The following SLC6A2 variants were observed in gnomAD, a reference collection of about 807,000 sequenced individuals.
SLC6A2 encodes sodium-dependent noradrenaline transporter.
SLC6A2 carries 26 observed loss-of-function variants against 71.7 expected under a neutral mutation model. The observed-to-expected ratio is 0.36, with a 90% CI of 0.27 to 0.50. The LOEUF is 0.50. Ranked by LOEUF, SLC6A2 falls within the 20% of genes least tolerant of loss-of-function variation. The probability of loss-of-function intolerance (pLI) is 0.96; values close to 1 mark genes in which losing one functional copy is unlikely to be tolerated. For missense variants in SLC6A2, 581 were observed against 803.9 expected, an observed-to-expected ratio of 0.72 and a Z score of 3.35; for synonymous variants, 363 against 337.9, an observed-to-expected ratio of 1.07 and a Z score of -0.82.
intron 2 of SLC6A2, among the ~76,000 whole-genome samples, chr16:55,666,034 T>G (rs540661977): frequency 6.6e-6 from 1 of 152,374 alleles, no homozygotes; most frequent in South Asian, 2.1e-4. Flanking sequence ...TGTGCATTTG[T>G]GTGCATGCAT....
intron 9 of SLC6A2, 25 bp from the exon 10 acceptor site, chr16:55,697,872 C>A (rs1402450475): frequency 6.2e-7 from 1 of 1,613,422 alleles, no homozygotes; most frequent in Non-Finnish European, 8.5e-7. Context: ...AATTCCTGCA[C>A]CCCACCCCTC....
chr16:55,680,406 G>A lies in SLC6A2; in HGVS notation c.645-4737G>A, dbSNP rs112258804. Among the ~76,000 whole-genome samples, 1,225 of 152,308 alleles carry A rather than the reference G, an allele frequency of 8.0e-3. 10 individuals are homozygous for A. Among genetic ancestry groups the A allele is most frequent in the Non-Finnish European group, 0.013 (889 of 68,024 alleles). On this transcript the variant is annotated intron_variant, in intron 4 of 14. Transcript: ENST00000568943. ...TCCCACAATAGGCTGTCTGCAAGCT[G>A]AGGAGCAAGGAAGCCAGTCCAAGTC...
Position 55,699,621 on chromosome 16 carries a change from G to A in SLC6A2, c.1557G>A (p.Leu519=). ...MGFRPGLYWR[L]CWKFVSPAFL... ...TCAGGCCGGGTCTATACTGGAGACT[G>A]TGCTGGAAGTTCGTCAGTCCTGCCT... The change falls in exon 12 of 15, where the codon CTG becomes CTA. Residue 519 remains leucine (L), a synonymous_variant. Transcript: ENST00000568943. The A allele has an allele frequency of 6.2e-7, 1 of 1,614,126 alleles. No homozygotes were observed. The highest frequency in any genetic ancestry group is 8.5e-7 in the Non-Finnish European group (1 of 1,179,964).
intron 2 of SLC6A2, 23 bp from the exon 3 acceptor site, chr16:55,669,542 C>T: frequency 6.2e-7 from 1 of 1,613,442 alleles, no homozygotes; most frequent in Non-Finnish European, 8.5e-7. Context: ...TGTCAGGTCA[C>T]ACTCTGCCCC....
At chr16:55,659,244 G>T (rs1455516610) in intron 2 of SLC6A2, among the ~76,000 whole-genome samples, 4 of 152,076 alleles carry the variant, frequency 2.6e-5, no homozygotes, top group African/African-American at 9.7e-5. Flanking sequence ...TCTTCCCATT[G>T]CTCTATGTGT....
chr16:55,698,443 C>T, intron 10 of SLC6A2, 26 bp from the exon 11 acceptor site: 5 of 1,559,872 alleles, frequency 3.2e-6, no homozygotes, highest in Non-Finnish European at 4.4e-6. Flanking sequence ...AAGAGGGCCT[C>T]TTGGCTTCTT....
At chr16:55,696,680 T>G (rs1335527508) in intron 9 of SLC6A2, among the ~76,000 whole-genome samples, 1 of 152,188 alleles carries the variant, frequency 6.6e-6, no homozygotes, top group East Asian at 1.9e-4. Flanking sequence ...CTCATTATAT[T>G]TTATTATCAA....
At position 55,656,617 on chromosome 16, in the gene SLC6A2, C is replaced by A. The variant is rs11568322; in HGVS notation, c.-51-27C>A. 15 of 1,584,402 alleles carry A rather than the reference C, an allele frequency of 9.5e-6. No homozygotes were observed. The South Asian group carries it at 1.7e-4, about 18-fold the overall frequency. On this transcript the variant is annotated intron_variant, in intron 1 of 14. Coordinates refer to ENST00000568943, the MANE Select transcript of SLC6A2 (RefSeq NM_001172501.3). The surrounding 1 kb of genome is among the most constrained non-coding windows in gnomAD (Gnocchi z 4.5). ...CAAGTAGGGAGGAACGGCCGGGTAA[C>A]CACCTCTTTTCCCTTTATCCAAGCA...
In SLC6A2 at chr16:55,702,542, G is replaced by A; in HGVS notation, c.*196G>A. The A allele has an allele frequency of 2.0e-6, 3 of 1,491,222 alleles. No homozygotes were observed. In the South Asian group the frequency reaches 4.1e-5, roughly 20 times the overall value. The allele number at this position is 1,491,222 out of a possible 1,614,324, so 92.4% of individuals were successfully genotyped here. ...CTTCTGTGCATCTGGCCTGGGGGCTGTTAGCTCAGAGGAGAGGAGCAAACA... is the reference window on the plus strand; with the variant it reads ...CTTCTGTGCATCTGGCCTGGGGGCTATTAGCTCAGAGGAGAGGAGCAAACA... On this transcript the variant is annotated 3_prime_UTR_variant, in exon 15 of 15. Coordinates refer to ENST00000568943, the MANE Select transcript of SLC6A2 (RefSeq NM_001172501.3).
At chr16:55,681,436 G>A (rs531872573) in intron 4 of SLC6A2, among the ~76,000 whole-genome samples, 10 of 152,356 alleles carry the variant, frequency 6.6e-5, no homozygotes, top group South Asian at 6.2e-4. Flanking sequence ...AAGGATTCGG[G>A]TCACACAGGA....
chr16:55,699,812 C>T (rs552994472), intron 12 of SLC6A2, among the ~76,000 whole-genome samples, 158 bp downstream of exon 12: 93 of 152,124 alleles, frequency 6.1e-4, no homozygotes, highest in African/African-American at 2.1e-3. Flanking sequence ...CTGTGGATAA[C>T]GTGGTAGACA....
intron 7 of SLC6A2, among the ~76,000 whole-genome samples, chr16:55,694,914 C>A (rs1165508389): frequency 6.6e-6 from 1 of 152,128 alleles, no homozygotes; most frequent in African/African-American, 2.4e-5. Context: ...CAGAGTACAC[C>A]TTGGGAGTCA....
intron 7 of SLC6A2, among the ~76,000 whole-genome samples, chr16:55,694,809 G>T (rs1412507280): frequency 6.6e-6 from 1 of 152,218 alleles, no homozygotes; most frequent in Non-Finnish European, 1.5e-5. Context: ...ATGCTAGGCA[G>T]ACGTGGAGTG....
intron 2 of SLC6A2, among the ~76,000 whole-genome samples, chr16:55,663,632 GA>G (rs1335225724): frequency 6.6e-6 from 1 of 152,194 alleles, no homozygotes; most frequent in Non-Finnish European, 1.5e-5. Flanking sequence ...GTACTACTAT[GA>G]AACCTATCTG....
intron 4 of SLC6A2, among the ~76,000 whole-genome samples, chr16:55,677,805 A>G (rs1427037543): frequency 2.6e-5 from 4 of 152,076 alleles, no homozygotes; most frequent in African/African-American, 9.7e-5. Flanking sequence ...GACTATAAGC[A>G]TGTACCACCA....
intron 14 of SLC6A2, among the ~76,000 whole-genome samples, 154 bp downstream of exon 14, chr16:55,702,088 A>C (rs1285064023): frequency 6.7e-6 from 1 of 150,308 alleles, no homozygotes; most frequent in Non-Finnish European, 1.5e-5. Flanking sequence ...GATGGGGGAC[A>C]GGGAGGCTCA....
intron 4 of SLC6A2, among the ~76,000 whole-genome samples, chr16:55,674,459 C>CT (rs1327456898): frequency 6.6e-6 from 1 of 151,608 alleles, no homozygotes; most frequent in Non-Finnish European, 1.5e-5. Context: ...GAGTCTCTCT[C>CT]TGTCACTCAG....
intron 10 of SLC6A2, 80 bp downstream of exon 10, chr16:55,698,105 A>T: frequency 6.7e-7 from 1 of 1,482,150 alleles, no homozygotes; most frequent in Non-Finnish European, 9.4e-7. Context: ...CTAGCCTTAG[A>T]ACTGGGGCTG....
intron 4 of SLC6A2, among the ~76,000 whole-genome samples, chr16:55,681,183 C>T (rs1047857070): frequency 6.6e-6 from 1 of 152,174 alleles, no homozygotes; most frequent in East Asian, 1.9e-4. Context: ...ATTATAATTA[C>T]CATTTATTGA....
Sources: gnomAD v4.1 joint callset for allele counts (sites outside exome capture counted in the v4.1 genomes callset) on GRCh38, gnomAD v4.1.1 for gene constraint, Gnocchi (gnomAD v3.1) non-coding constraint, MANE v1.5 for transcripts, NCBI Gene and HGNC (gene_info 2026-07-23, HGNC 2026-07-21) for gene names.